MAP4K3: variants seen among roughly 807,000 people sequenced by gnomAD.
MAP4K3 encodes mitogen-activated protein kinase kinase kinase kinase 3.
Under a neutral mutation model 143.5 loss-of-function variants are expected in MAP4K3, and 94 were observed. That is an observed-to-expected ratio of 0.65 (90% CI 0.55 to 0.78). MAP4K3 has a LOEUF of 0.78. Among genes scored for constraint, MAP4K3 ranks in the 30% least tolerant of loss-of-function variants. The probability of loss-of-function intolerance (pLI) is 0.00; values close to 1 mark genes in which losing one functional copy is unlikely to be tolerated. For missense variants in MAP4K3, 1,077 were observed against 1,068.1 expected, an observed-to-expected ratio of 1.01 and a Z score of -0.12; for synonymous variants, 416 against 347.2, an observed-to-expected ratio of 1.20 and a Z score of -2.20.
chr2:39,284,704 C>T (rs1158420203), intron 21 of MAP4K3, among the ~76,000 whole-genome samples: 2 of 151,402 alleles, frequency 1.3e-5, no homozygotes, highest in Non-Finnish European at 2.9e-5. Flanking sequence ...AGTAGCCAGG[C>T]GTGGTGGCGT....
In MAP4K3 at chr2:39,398,741, AATAATG is replaced by A. The variant is rs1189410914; in HGVS notation, c.97-20624_97-20619del. ...TAATAATAATAATAATAATAATAAT[AATAATG>A]ATGATGATAATAATTGGCCAGGCAT... On this transcript the variant is annotated intron_variant, in intron 1 of 33. Transcript: ENST00000263881. Among the ~76,000 whole-genome samples the A allele has an allele frequency of 2.6e-3, 335 of 127,344 alleles. 1 individual carries two copies. The highest frequency in any genetic ancestry group is 6.5e-3 in the African/African-American group (196 of 30,344). 83.5% of individuals were successfully genotyped at this position (127,344 alleles called of 152,430 possible).
intron 15 of MAP4K3, among the ~76,000 whole-genome samples, chr2:39,306,107 C>A (rs1049117944): frequency 6.6e-6 from 1 of 152,198 alleles, no homozygotes; most frequent in Non-Finnish European, 1.5e-5. Flanking sequence ...GGATTACAGG[C>A]ATGAGCCACC....
chr2:39,387,632 T>C (rs1484438394), intron 1 of MAP4K3, among the ~76,000 whole-genome samples: 3 of 152,242 alleles, frequency 2.0e-5, no homozygotes, highest in East Asian at 1.9e-4. Flanking sequence ...AAGTGAAGTT[T>C]TGAAGAAATA....
Position 39,250,584 on chromosome 2 carries a change from C to T in MAP4K3, c.*34G>A, listed in dbSNP as rs751501168. The T allele has an allele frequency of 1.6e-5, 25 of 1,589,192 alleles. No homozygotes were observed. The South Asian group carries it at 2.8e-4, about 18-fold the overall frequency. On this transcript the variant is annotated 3_prime_UTR_variant, in exon 34 of 34. Coordinates refer to ENST00000263881, the MANE Select transcript of MAP4K3 (RefSeq NM_003618.4). ...TAATGTTGCAGTGGTAGTGTTCTTT[C>T]TTTCTAGAGTTAACTGTCAAAGCAC...
Position 39,382,882 on chromosome 2 carries a change from G to A in MAP4K3, c.97-4759C>T, listed in dbSNP as rs556383040. 1.8e-4 allele frequency among the ~76,000 whole-genome samples: 27 copies of A among 152,274 alleles called. No homozygotes were observed. In the South Asian group the frequency reaches 5.0e-3, roughly 28 times the overall value. On this transcript the variant is annotated intron_variant, in intron 1 of 33. Transcript: ENST00000263881. ...ATTACAGGAATGATGGCATGAAGAT[G>A]TTACCATTTATGCAGAGGTTTGAAA...
At chr2:39,420,561 C>T (rs866608923) in intron 1 of MAP4K3, among the ~76,000 whole-genome samples, 15 of 151,268 alleles carry the variant, frequency 9.9e-5, no homozygotes, top group African/African-American at 3.4e-4. Flanking sequence ...GGACTACAGG[C>T]ATGTGCCACC....
In MAP4K3 at chr2:39,388,908, G is replaced by C. The variant is rs532346650; in HGVS notation, c.97-10785C>G. 5.1e-4 allele frequency among the ~76,000 whole-genome samples: 78 copies of C among 152,214 alleles called. 1 individual carries two copies. Among genetic ancestry groups the C allele is most frequent in the African/African-American group, 1.8e-3 (74 of 41,528 alleles). ...AATTACCACATAATATTATTAGGCA[G>C]ATATGAGCTTAAAACAAAATTATCA... On this transcript the variant is annotated intron_variant, in intron 1 of 33. Coordinates refer to ENST00000263881, the MANE Select transcript of MAP4K3 (RefSeq NM_003618.4).
intron 19 of MAP4K3, 129 bp from the exon 20 acceptor site, chr2:39,288,409 A>C (rs1445484480): frequency 1.4e-6 from 1 of 740,712 alleles, no homozygotes; most frequent in Non-Finnish European, 2.1e-6. Flanking sequence ...ATGAGTTTAA[A>C]GGTTACTCAA....
At position 39,267,262 on chromosome 2, in the gene MAP4K3, A is replaced by G. The variant is rs760545914; in HGVS notation, c.1974-15T>C. ...CAGAAAATTTCCTAAATGTAAATAA[A>G]AGTGAGTACGTAATATATGTAGGCA... On this transcript the variant is annotated splice_polypyrimidine_tract_variant and intron_variant, in intron 26 of 33. Coordinates refer to ENST00000263881, the MANE Select transcript of MAP4K3 (RefSeq NM_003618.4). 4 of 1,603,092 alleles carry G rather than the reference A, an allele frequency of 2.5e-6. No individual in the cohort carries two copies. Among genetic ancestry groups the G allele is most frequent in the Middle Eastern group, 1.7e-4 (1 of 5,962 alleles).
intron 2 of MAP4K3, among the ~76,000 whole-genome samples, chr2:39,377,435 G>C (rs1315856771): frequency 1.3e-5 from 2 of 151,930 alleles, no homozygotes; most frequent in African/African-American, 2.4e-5. Context: ...TTCTAAGAGA[G>C]AATAAACAAA....
chr2:39,318,515 A>G (rs1195688447), intron 12 of MAP4K3, among the ~76,000 whole-genome samples: 2 of 152,154 alleles, frequency 1.3e-5, no homozygotes, highest in Non-Finnish European at 2.9e-5. Context: ...TTTTTCCTCT[A>G]TAAATGTAAT....
At chr2:39,358,680 T>C (rs1422049712) in intron 2 of MAP4K3, among the ~76,000 whole-genome samples, 1 of 152,120 alleles carries the variant, frequency 6.6e-6, no homozygotes, top group Non-Finnish European at 1.5e-5. Context: ...TTTTTAAAGG[T>C]AAATAAAAAA....
rs1031443593 is a variant in MAP4K3, at chr2:39,410,647, A to C, written c.96+26245T>G. On this transcript the variant is annotated intron_variant, in intron 1 of 33. Transcript: ENST00000263881. ...ATTTATCATGAAAATAATATTTAAAAGATCATTTTTAAAAAGGTCTTTGCA... is the reference window on the plus strand; with the variant it reads ...ATTTATCATGAAAATAATATTTAAACGATCATTTTTAAAAAGGTCTTTGCA... Among the ~76,000 whole-genome samples, 8 of 152,328 alleles carry C rather than the reference A, an allele frequency of 5.3e-5. No homozygotes were observed. The South Asian group carries it at 1.7e-3, about 32-fold the overall frequency.
chr2:39,426,421 A>G (rs899390219), intron 1 of MAP4K3, among the ~76,000 whole-genome samples: 1 of 152,160 alleles, frequency 6.6e-6, no homozygotes, highest in African/African-American at 2.4e-5. Flanking sequence ...AGGTCTGTAG[A>G]TCAAATAATA....
intron 16 of MAP4K3, among the ~76,000 whole-genome samples, chr2:39,297,116 T>C (rs1682313286): frequency 6.6e-6 from 1 of 152,022 alleles, no homozygotes; most frequent in Non-Finnish European, 1.5e-5. Flanking sequence ...TTTAATGTTT[T>C]CTTTTCTTTT....
chr2:39,393,042 C>A (rs1001582987), intron 1 of MAP4K3, among the ~76,000 whole-genome samples: 2 of 152,230 alleles, frequency 1.3e-5, no homozygotes, highest in African/African-American at 2.4e-5. Context: ...GTTCTGCTTA[C>A]TTAATTTGAG....
At chr2:39,294,239 CAT>C (rs1289299850) in intron 16 of MAP4K3, 1 of 152,086 alleles carries the variant, frequency 6.6e-6, no homozygotes, top group African/African-American at 2.4e-5. Context: ...AATTACAAAA[CAT>C]AAAACTAGAG....
chr2:39,433,862 AACTT>A (rs77778552), intron 1 of MAP4K3, among the ~76,000 whole-genome samples: 9,411 of 152,268 alleles, frequency 0.062, 405 homozygotes, highest in Non-Finnish European at 0.096. Flanking sequence ...AAATAAAGAT[AACTT>A]ACTTACTAAG....
chr2:39,276,037 T>G (rs1256901756), intron 24 of MAP4K3, among the ~76,000 whole-genome samples: 1 of 152,070 alleles, frequency 6.6e-6, no homozygotes, highest in African/African-American at 2.4e-5. Flanking sequence ...CATGCTTGGC[T>G]AATTTTTGTA....
Sources: allele counts gnomAD v4.1 joint callset (sites outside exome capture counted in the v4.1 genomes callset), GRCh38; gene constraint gnomAD v4.1.1; transcripts MANE v1.5; gene names NCBI Gene and HGNC (gene_info 2026-07-23, HGNC 2026-07-21).